Variants in ATP13A4 observed in about 807,000 individuals in gnomAD.
The protein encoded by ATP13A4 is ATPase 13A4, also known as probable cation-transporting ATPase 13A4.
Under a neutral mutation model 142.5 loss-of-function variants are expected in ATP13A4, and 114 were observed. The observed-to-expected ratio is 0.80, with a 90% CI of 0.69 to 0.93. The LOEUF (loss-of-function observed/expected upper bound fraction) is 0.93. ATP13A4 is among the 40% of genes least tolerant of loss of function. ATP13A4 has a pLI of 0.00. For missense variants in ATP13A4, 1,392 were observed against 1,454.0 expected (o/e 0.96, Z 0.69); for synonymous variants, 488 against 514.8 (o/e 0.95, Z 0.70).
chr3:193,468,056 G>C (rs951927966), intron 9 of ATP13A4, among the ~76,000 whole-genome samples: 26 of 152,158 alleles, frequency 1.7e-4, no homozygotes, highest in Non-Finnish European at 1.2e-4. Context: ...GCACATGCCT[G>C]TGATCCCAGC....
intron 2 of ATP13A4, among the ~76,000 whole-genome samples, chr3:193,575,845 A>G (rs1015454244): frequency 6.6e-6 from 1 of 152,204 alleles, no homozygotes; most frequent in Admixed American, 6.5e-5. Flanking sequence ...AAGAAGGATA[A>G]CAGATGCCAT....
At chr3:193,422,425 C>A (rs541645213) in intron 25 of ATP13A4, among the ~76,000 whole-genome samples, 2 of 121,162 alleles carry the variant, frequency 1.7e-5, no homozygotes, top group African/African-American at 5.9e-5. Context: ...GAAGAATACA[C>A]ATTATTTTCT....
rs1410918063 is a variant in ATP13A4 at position 193,534,006 on chromosome 3, C to G, written c.61-19135G>C. Among the ~76,000 whole-genome samples the G allele has an allele frequency of 8.5e-5, 13 of 152,298 alleles. No individual in the cohort carries two copies. In the East Asian group the frequency reaches 2.1e-3, roughly 25 times the overall value. On this transcript the variant is annotated intron_variant, in intron 1 of 29. Transcript: ENST00000342695. The stretch of plus-strand genomic sequence containing the variant: ...AGAGTTAGAACTTTCCTAACTACCC[C>G]CTTTCATATAATCAGTGGAAACCAT...
Position 193,417,702 on chromosome 3 carries a change from T to C in ATP13A4, c.2843-2952A>G, listed in dbSNP as rs1164571426. ...CCAGAGACATTAGACAAAAAAGAAA[T>C]TGGCCAGGCGCGGTGGCTCATGCCT... On this transcript the variant is annotated intron_variant, in intron 25 of 29. Coordinates refer to ENST00000342695, the MANE Select transcript of ATP13A4 (RefSeq NM_032279.4). 3.6e-5 allele frequency among the ~76,000 whole-genome samples: 5 copies of C among 137,700 alleles called. No individual in the cohort carries two copies. The Admixed American group carries it at 4.4e-4, about 12-fold the overall frequency. 90.3% of individuals were successfully genotyped at this position (137,700 alleles called of 152,430 possible). A position where few individuals can be genotyped will look rare whatever the true frequency, so the allele number is the denominator to read the frequency against.
chr3:193,494,417 G>C (rs1254116773), intron 3 of ATP13A4, among the ~76,000 whole-genome samples: 2 of 151,888 alleles, frequency 1.3e-5, no homozygotes, highest in Non-Finnish European at 2.9e-5. Flanking sequence ...ATCATATCAA[G>C]TATTTTTTTC....
At chr3:193,586,086 CACAT>C (rs1318924331) in intron 1 of ATP13A4, among the ~76,000 whole-genome samples, 5 of 21,406 alleles carry the variant, frequency 2.3e-4, no homozygotes, top group Non-Finnish European at 3.7e-4. Flanking sequence ...TATGTATACA[CACAT>C]ACACACACAC....
At chr3:193,567,753 T>TA (rs760779324) in intron 2 of ATP13A4, among the ~76,000 whole-genome samples, 1 of 152,150 alleles carries the variant, frequency 6.6e-6, no homozygotes, top group Non-Finnish European at 1.5e-5. Flanking sequence ...CAGGATTTTT[T>TA]ATCTCAGTGA....
At chr3:193,586,055 T>TA (rs781551797) in intron 1 of ATP13A4, among the ~76,000 whole-genome samples, 4 of 147,262 alleles carry the variant, frequency 2.7e-5, no homozygotes, top group Non-Finnish European at 4.4e-5. Flanking sequence ...AATATGTATA[T>TA]AAAATATATA....
At chr3:193,558,558 C>G (rs1723952043), upstream of ATP13A4, among the ~76,000 whole-genome samples, 3 of 152,162 alleles carry the variant, frequency 2.0e-5, no homozygotes. Context: ...AATATAAATT[C>G]CACATAATAT....
intron 1 of ATP13A4, among the ~76,000 whole-genome samples, chr3:193,517,833 G>T (rs11705919): frequency 0.11 from 17,272 of 152,092 alleles, 1,295 homozygotes; most frequent in Non-Finnish European, 0.16. Flanking sequence ...ATCCAATCTG[G>T]ACACCTATTA....
intron 2 of ATP13A4, among the ~76,000 whole-genome samples, chr3:193,576,653 T>C (rs575802262): frequency 6.6e-6 from 1 of 152,294 alleles, no homozygotes; most frequent in South Asian, 2.1e-4. Context: ...GAAAAACTAA[T>C]CAGTTAAAGT....
intron 9 of ATP13A4, 31 bp from the exon 10 acceptor site, chr3:193,467,517 G>T: frequency 1.2e-6 from 2 of 1,605,520 alleles, no homozygotes; most frequent in Non-Finnish European, 1.7e-6. Context: ...GTTTTGTGAG[G>T]CAGGATGGCT....
In ATP13A4 at chr3:193,504,020, T is replaced by TGTGTGTGTGTGTGTGTGA. The variant is rs1034644341; in HGVS notation, c.235-1382_235-1381insTCACACACACACACACAC. 3.0e-3 allele frequency among the ~76,000 whole-genome samples: 426 copies of TGTGTGTGTGTGTGTGTGA among 144,264 alleles called. 5 individuals carry two copies. Among genetic ancestry groups the TGTGTGTGTGTGTGTGTGA allele is most frequent in the Non-Finnish European group, 4.1e-3 (272 of 65,974 alleles). 94.6% of individuals were successfully genotyped at this position (144,264 alleles called of 152,430 possible). A position where few individuals can be genotyped will look rare whatever the true frequency, so the allele number is the denominator to read the frequency against. ...ATGTGTGTGTGTGTGTGTGTGTGTG[T>TGTGTGTGTGTGTGTGTGA]GAGAGAGAGAGAGAGAGAGAGAAAG... On this transcript the variant is annotated intron_variant, in intron 2 of 29. Coordinates refer to ENST00000342695, the MANE Select transcript of ATP13A4 (RefSeq NM_032279.4).
At chr3:193,590,247 T>C (rs1056617301) in intron 1 of ATP13A4, among the ~76,000 whole-genome samples, 13 of 152,294 alleles carry the variant, frequency 8.5e-5, no homozygotes, top group African/African-American at 2.4e-4. Context: ...GGGTAGGGAA[T>C]GGATGCTGCT....
chr3:193,454,210 G>A lies in ATP13A4; in HGVS notation c.1918C>T (p.Pro640Ser), dbSNP rs1292690150. 6.2e-7 allele frequency: 1 copy of A among 1,605,626 alleles called. No individual in the cohort carries two copies. The highest frequency in any genetic ancestry group is 8.5e-7 in the Non-Finnish European group (1 of 1,172,378). The change falls in exon 17 of 30, where the codon CCC (proline) becomes TCC (serine). Residue 640 changes from proline to serine, a missense_variant and splice_region_variant. By Grantham distance (74) the Pro-to-Ser change is moderately conservative (BLOSUM62 -1). Coordinates refer to ENST00000342695, the MANE Select transcript of ATP13A4 (RefSeq NM_032279.4). ...TGAAGTTCGCTAACAAAACTAGTGGGTACTGTTTAGAAAGAAACACAGGGT... is the reference window on the plus strand; with the variant it reads ...TGAAGTTCGCTAACAAAACTAGTGGATACTGTTTAGAAAGAAACACAGGGT... ...VASFCQPETVPTSFVSELQIY... is the reference protein window; with the variant it reads ...VASFCQPETVSTSFVSELQIY...
Position 193,542,171 on chromosome 3 carries a change from A to G in ATP13A4, c.60+12569T>C, listed in dbSNP as rs373522585. Among the ~76,000 whole-genome samples, 12 of 152,218 alleles carry G rather than the reference A, an allele frequency of 7.9e-5. 1 individual carries two copies. The highest frequency in any genetic ancestry group is 5.9e-4 in the Admixed American group (9 of 15,278). On this transcript the variant is annotated intron_variant, in intron 1 of 29. Transcript: ENST00000342695. ...ATGTGCAAAAATCAAAAGCATTCCT[A>G]TACACCAACACTAGACTAGCAGAAA...
At chr3:193,447,019 A>G (rs1298449506) in intron 18 of ATP13A4, among the ~76,000 whole-genome samples, 1 of 152,238 alleles carries the variant, frequency 6.6e-6, no homozygotes, top group African/African-American at 2.4e-5. Context: ...GCACCCCTTC[A>G]TTCCATCCAA....
intron 8 of ATP13A4, among the ~76,000 whole-genome samples, chr3:193,477,341 A>G (rs780503460): frequency 3.9e-5 from 6 of 152,078 alleles, no homozygotes; most frequent in Non-Finnish European, 8.8e-5. Context: ...AATAGAACAG[A>G]TGAAAAAAGA....
At chr3:193,548,820 T>C (rs963624026) in intron 1 of ATP13A4, among the ~76,000 whole-genome samples, 1 of 152,216 alleles carries the variant, frequency 6.6e-6, no homozygotes, top group African/African-American at 2.4e-5. Flanking sequence ...ATGTGCCCAT[T>C]ACTAGGTTCT....
Sources: allele counts gnomAD v4.1 joint callset (sites outside exome capture counted in the v4.1 genomes callset), GRCh38; gene constraint gnomAD v4.1.1; transcripts MANE v1.5; gene names NCBI Gene and HGNC (gene_info 2026-07-23, HGNC 2026-07-21).